The following SRFBP1 variants were observed in gnomAD, a reference collection of about 807,000 sequenced individuals.
SRFBP1 encodes serum response factor binding protein 1, also known as serum response factor-binding protein 1.
SRFBP1 carries 47 observed loss-of-function variants against 45.5 expected under a neutral mutation model. The observed-to-expected ratio is 1.03, with a 90% confidence interval of 0.82 to 1.32. The LOEUF (loss-of-function observed/expected upper bound fraction) is 1.32, where lower values mean the gene tolerates loss of function less well. Among genes scored for constraint, SRFBP1 ranks in the 40% most tolerant of loss-of-function variants. The pLI is 0.00. For synonymous variants in SRFBP1, 203 were observed against 166.3 expected (o/e 1.22, Z -1.70); for missense variants, 621 against 484.6 (o/e 1.28, Z -2.64).
intron 2 of SRFBP1, chr5:122,073,863 A>G: frequency 1.5e-6 from 1 of 671,420 alleles, no homozygotes; most frequent in Middle Eastern, 4.4e-4. Flanking sequence ...CATGGGGTAT[A>G]TCATCTACAG....
chr5:122,046,508 C>T (rs1270252375), intron 2 of SRFBP1, among the ~76,000 whole-genome samples: 3 of 152,096 alleles, frequency 2.0e-5, no homozygotes, highest in South Asian at 2.1e-4. Flanking sequence ...AATAAACATA[C>T]GTGTGCATGT....
At chr5:122,006,197 A>AG (rs1201193975) in intron 4 of SRFBP1, among the ~76,000 whole-genome samples, 2 of 151,664 alleles carry the variant, frequency 1.3e-5, no homozygotes, top group Non-Finnish European at 2.9e-5. Flanking sequence ...TTTCATCAAC[A>AG]CTTTGAATAT....
At chr5:121,977,951 A>G (rs1282252656) in intron 3 of SRFBP1, among the ~76,000 whole-genome samples, 2 of 152,148 alleles carry the variant, frequency 1.3e-5, no homozygotes, top group Admixed American at 6.5e-5. Context: ...TAACTTTGAT[A>G]TTAGTAGAAA....
In SRFBP1 at chr5:121,999,025, T is replaced by C. The variant is rs558767068; in HGVS notation, c.270+4355T>C. Reference sequence around the variant, plus strand: ...GATTTTTGCTCCATTCTACATTCTTTAGATCTTCTTGATTTGTGTTTTTTT... The same window carrying C: ...GATTTTTGCTCCATTCTACATTCTTCAGATCTTCTTGATTTGTGTTTTTTT... On this transcript the variant is annotated intron_variant, in intron 4 of 7. Coordinates refer to ENST00000339397, the MANE Select transcript of SRFBP1 (RefSeq NM_152546.3). Among the ~76,000 whole-genome samples the C allele has an allele frequency of 2.0e-5, 3 of 152,322 alleles. No homozygotes were observed. In the South Asian group the frequency reaches 6.2e-4, roughly 32 times the overall value.
chr5:122,006,293 T>C (rs147278593), intron 4 of SRFBP1, among the ~76,000 whole-genome samples: 5 of 152,304 alleles, frequency 3.3e-5, no homozygotes, highest in African/African-American at 1.2e-4. Flanking sequence ...TACATGTTAT[T>C]TGCTTCTTTT....
At chr5:121,970,469 T>C (rs934620728) in intron 1 of SRFBP1, among the ~76,000 whole-genome samples, 7 of 152,132 alleles carry the variant, frequency 4.6e-5, no homozygotes, top group Non-Finnish European at 1.0e-4. Flanking sequence ...TATTAGTTTA[T>C]TTTATGAATA....
At chr5:122,023,790 C>A (rs1457658490) in intron 7 of SRFBP1, among the ~76,000 whole-genome samples, 1 of 152,190 alleles carries the variant, frequency 6.6e-6, no homozygotes, top group Non-Finnish European at 1.5e-5. Context: ...TCACTATACA[C>A]CTCCTCAAAA....
At chr5:121,974,970 T>C (rs1305555705) in intron 2 of SRFBP1, among the ~76,000 whole-genome samples, 1 of 151,936 alleles carries the variant, frequency 6.6e-6, no homozygotes, top group Non-Finnish European at 1.5e-5. Context: ...ATAGTCAAAC[T>C]CTAATTGTAA....
Position 122,020,375 on chromosome 5 carries a change from G to C in SRFBP1, c.640G>C (p.Val214Leu). The change falls in exon 6 of 8, where the codon GTT becomes CTT. Residue 214 changes from valine to leucine, a missense_variant. Transcript: ENST00000339397. ...PSKPSEKDSV[V>L]SLESQKTPAD... is the part of the protein sequence containing the mutation. ...AAAGCCTTCAGAAAAGGATTCTGTA[G>C]TTTCCCTTGAGTCCCAGAAGACACC... The C allele has an allele frequency of 6.2e-7, 1 of 1,614,082 alleles. No homozygotes were observed. The highest frequency in any genetic ancestry group is 8.5e-7 in the Non-Finnish European group (1 of 1,179,988).
chr5:122,077,576 G>C, downstream of SRFBP1: 6 of 1,612,838 alleles, frequency 3.7e-6, no homozygotes, highest in African/African-American at 2.7e-5. This position sits in a 1 kb window ranked among gnomAD's most constrained non-coding sequence, Gnocchi z 4.9. Flanking sequence ...CGAGGCGCCA[G>C]CTTCGCGGGC....
intron 7 of SRFBP1, among the ~76,000 whole-genome samples, chr5:122,023,951 A>G (rs1240922266): frequency 6.6e-6 from 1 of 152,166 alleles, no homozygotes; most frequent in African/African-American, 2.4e-5. Context: ...TTCAGCATCT[A>G]CTGCATTGAA....
intron 2 of SRFBP1, among the ~76,000 whole-genome samples, chr5:122,041,314 A>G (rs1277803921): frequency 1.3e-5 from 2 of 152,164 alleles, no homozygotes; most frequent in East Asian, 3.9e-4. Flanking sequence ...ACTGGGCAGC[A>G]TTTGGGGCCC....
intron 7 of SRFBP1, among the ~76,000 whole-genome samples, chr5:122,023,897 T>A (rs1412397734): frequency 2.0e-5 from 3 of 152,168 alleles, no homozygotes; most frequent in Non-Finnish European, 2.9e-5. Flanking sequence ...AAACTTGTCT[T>A]ATTTGTTTGT....
At chr5:121,998,316 C>G (rs927908895) in intron 4 of SRFBP1, among the ~76,000 whole-genome samples, 5 of 149,722 alleles carry the variant, frequency 3.3e-5, no homozygotes, top group African/African-American at 1.2e-4. Context: ...ACATATACAC[C>G]ATGGAATACT....
In SRFBP1 at chr5:121,985,973, T is replaced by G. The variant is rs571405013; in HGVS notation, c.199-8626T>G. Among the ~76,000 whole-genome samples, 35 of 151,994 alleles carry G rather than the reference T, an allele frequency of 2.3e-4. No individual in the cohort carries two copies. In the South Asian group the frequency reaches 7.0e-3, roughly 31 times the overall value. On this transcript the variant is annotated intron_variant, in intron 3 of 7. Coordinates refer to ENST00000339397, the MANE Select transcript of SRFBP1 (RefSeq NM_152546.3). ...AAGTCTGCAGTTCAGAGAAATTATC[T>G]TGGCTACAGATGGAGATTTTGGGGA...
intron 4 of SRFBP1, among the ~76,000 whole-genome samples, chr5:122,003,958 A>G (rs78373537): frequency 0.038 from 5,818 of 152,114 alleles, 319 homozygotes; most frequent in African/African-American, 0.12. Context: ...TATTTGAGAC[A>G]GGATCTCGCT....
At chr5:121,976,885 A>G (rs2112820911) in intron 3 of SRFBP1, among the ~76,000 whole-genome samples, 2 of 150,334 alleles carry the variant, frequency 1.3e-5, no homozygotes, top group South Asian at 4.2e-4. Flanking sequence ...TAAAAAATAT[A>G]TACATACACA....
chr5:122,022,284 G>T, intron 6 of SRFBP1, 86 bp from the exon 7 acceptor site: 8 of 1,192,526 alleles, frequency 6.7e-6, no homozygotes, highest in Non-Finnish European at 8.4e-6. Flanking sequence ...CTTTGAATTA[G>T]TTTTATCATC....
chr5:122,070,094 G>A (rs998646101), intron 2 of SRFBP1: 2 of 1,613,248 alleles, frequency 1.2e-6, no homozygotes, highest in Non-Finnish European at 1.7e-6. Flanking sequence ...GATGTCCTGT[G>A]TAGCGAATGT....
Sources: gnomAD v4.1 joint callset for allele counts (sites outside exome capture counted in the v4.1 genomes callset) on GRCh38, gnomAD v4.1.1 for gene constraint, Gnocchi (gnomAD v3.1) non-coding constraint, MANE v1.5 for transcripts, NCBI Gene and HGNC (gene_info 2026-07-23, HGNC 2026-07-21) for gene names.